The following DPP10 variants were observed in gnomAD, a reference collection of about 807,000 sequenced individuals.
DPP10 encodes the protein inactive dipeptidyl peptidase 10.
Under a neutral mutation model 120.9 loss-of-function variants are expected in DPP10, and 33 were observed. The ratio of observed to expected loss-of-function variants is 0.27; its 90% CI spans 0.21 to 0.37. DPP10 has a LOEUF of 0.37. DPP10 is among the 10% of genes least tolerant of loss of function. DPP10 has a pLI of 1.00. For missense variants in DPP10, 816 were observed against 942.8 expected (o/e 0.87, Z 1.76); for synonymous variants, 337 against 326.1 (o/e 1.03, Z -0.36).
At chr2:114,570,440 A>G (rs1273914398) in intron 1 of DPP10, among the ~76,000 whole-genome samples, 1 of 152,108 alleles carries the variant, frequency 6.6e-6, no homozygotes, top group East Asian at 1.9e-4. Context: ...ATAACTCAAA[A>G]CAATCCAACA....
intron 19 of DPP10, among the ~76,000 whole-genome samples, chr2:115,806,168 C>A (rs1685942586): frequency 6.6e-6 from 1 of 152,098 alleles, no homozygotes; most frequent in Non-Finnish European, 1.5e-5. Context: ...TTTTTTAACA[C>A]CTTAAATTTA....
chr2:115,836,123 T>A, intron 21 of DPP10, 34 bp from the exon 22 acceptor site: 1 of 437,718 alleles, frequency 2.3e-6, no homozygotes, highest in Non-Finnish European at 3.3e-6. Flanking sequence ...GTGTGAGATA[T>A]ATATATATAT....
intron 1 of DPP10, among the ~76,000 whole-genome samples, chr2:114,996,554 G>T (rs1036579903): frequency 4.6e-5 from 7 of 151,688 alleles, no homozygotes; most frequent in African/African-American, 1.5e-4. Flanking sequence ...CTTTTTTACT[G>T]GCTTTATAGT....
intron 4 of DPP10, among the ~76,000 whole-genome samples, chr2:115,511,541 T>C (rs1030878161): frequency 6.6e-6 from 1 of 151,842 alleles, no homozygotes; most frequent in African/African-American, 2.4e-5. Context: ...TTTTCTCCAT[T>C]GTTTTTTTAG....
intron 5 of DPP10, among the ~76,000 whole-genome samples, chr2:115,543,211 T>C (rs2421273): frequency 0.21 from 31,466 of 151,918 alleles, 4,506 homozygotes; most frequent in African/African-American, 0.4. Flanking sequence ...CAGCAAACAC[T>C]AAATAGACCT....
chr2:114,605,264 A>G (rs1249389884), intron 1 of DPP10, among the ~76,000 whole-genome samples: 4 of 152,062 alleles, frequency 2.6e-5, no homozygotes, highest in Non-Finnish European at 5.9e-5. Context: ...TTAACCCTTG[A>G]ACAATGCAGG....
intron 3 of DPP10, among the ~76,000 whole-genome samples, chr2:115,429,508 C>G (rs1559592694): frequency 1.3e-5 from 2 of 152,106 alleles, no homozygotes; most frequent in East Asian, 3.9e-4. Context: ...AAGAAGAGCT[C>G]AAAAGAAGAC....
At chr2:115,545,260 T>C (rs2079427437) in intron 5 of DPP10, among the ~76,000 whole-genome samples, 1 of 152,182 alleles carries the variant, frequency 6.6e-6, no homozygotes, top group Non-Finnish European at 1.5e-5. Flanking sequence ...TTGCATTTCT[T>C]TCACATATCT....
At position 114,528,483 on chromosome 2, in the gene DPP10, G is replaced by A. The variant is rs531400118; in HGVS notation, c.60+85645G>A. Among the ~76,000 whole-genome samples the A allele has an allele frequency of 3.3e-5, 5 of 152,046 alleles. No homozygotes were observed. In the Middle Eastern group the frequency reaches 0.014, roughly 414 times the overall value. ...GCTGGATGCTCAGTCCAAACTCTAG[G>A]ATGAGGGTCAAGGCAGGGACTGCAC... is the stretch of plus-strand genomic sequence containing the variant. On this transcript the variant is annotated intron_variant, in intron 1 of 25. Transcript: ENST00000410059.
intron 1 of DPP10, among the ~76,000 whole-genome samples, chr2:115,020,052 C>G (rs1702958998): frequency 6.6e-6 from 1 of 152,098 alleles, no homozygotes; most frequent in African/African-American, 2.4e-5. Flanking sequence ...AATAGAACCT[C>G]TTTAAAGTGT....
At chr2:115,428,107 A>G (rs901041244) in intron 3 of DPP10, among the ~76,000 whole-genome samples, 2 of 152,172 alleles carry the variant, frequency 1.3e-5, no homozygotes, top group African/African-American at 4.8e-5. Flanking sequence ...CAAGTTCCTC[A>G]TTTCCATCTG....
intron 2 of DPP10, among the ~76,000 whole-genome samples, chr2:115,311,869 G>A (rs1283377186): frequency 2.6e-5 from 4 of 152,030 alleles, no homozygotes; most frequent in South Asian, 2.1e-4. Flanking sequence ...GGGCTCAAGC[G>A]ATCCTCCCAC....
chr2:114,768,336 T>C (rs533457730), intron 1 of DPP10, among the ~76,000 whole-genome samples: 6 of 152,000 alleles, frequency 3.9e-5, no homozygotes, highest in Admixed American at 1.3e-4. Context: ...TAAATGAGAA[T>C]GGTGAGTAAA....
intron 1 of DPP10, among the ~76,000 whole-genome samples, chr2:115,207,180 G>A (rs941480320): frequency 5.9e-5 from 9 of 151,980 alleles, no homozygotes. Context: ...TTTGCAGATC[G>A]GCAAACACAT....
chr2:114,493,662 CT>C (rs1003411186), intron 1 of DPP10, among the ~76,000 whole-genome samples: 5 of 151,918 alleles, frequency 3.3e-5, no homozygotes, highest in African/African-American at 1.2e-4. Context: ...CATAAAAAAA[CT>C]GAACATGGGA....
intron 1 of DPP10, among the ~76,000 whole-genome samples, chr2:114,594,322 T>C (rs1691711205): frequency 6.6e-6 from 1 of 151,726 alleles, no homozygotes; most frequent in South Asian, 2.1e-4. Context: ...CAGCCTATTG[T>C]GGGATCTTGT....
At chr2:115,126,383 T>A (rs1003341132) in intron 1 of DPP10, among the ~76,000 whole-genome samples, 1 of 152,176 alleles carries the variant, frequency 6.6e-6, no homozygotes, top group African/African-American at 2.4e-5. Context: ...ATTACAAGCG[T>A]GAGCCACTGC....
intron 1 of DPP10, among the ~76,000 whole-genome samples, chr2:114,913,425 G>A (rs1277794479): frequency 6.6e-6 from 1 of 152,052 alleles, no homozygotes; most frequent in Non-Finnish European, 1.5e-5. Context: ...AGGGGCCAGA[G>A]AAAAAAGCCG....
chr2:115,084,316 C>T (rs748547930), intron 1 of DPP10, among the ~76,000 whole-genome samples: 24 of 152,288 alleles, frequency 1.6e-4, no homozygotes, highest in Non-Finnish European at 3.2e-4. Flanking sequence ...CCTCCTACAA[C>T]TCTAATAGTG....
Sources: allele counts gnomAD v4.1 joint callset (sites outside exome capture counted in the v4.1 genomes callset), GRCh38; gene constraint gnomAD v4.1.1; transcripts MANE v1.5; gene names NCBI Gene and HGNC (gene_info 2026-07-23, HGNC 2026-07-21).